Variants in MBOAT2 observed in about 807,000 individuals in gnomAD.
The protein encoded by MBOAT2 is membrane bound glycerophospholipid O-acyltransferase 2, also known as membrane-bound glycerophospholipid O-acyltransferase 2.
Under a neutral mutation model 63.4 loss-of-function variants are expected in MBOAT2, and 28 were observed. The observed-to-expected ratio is 0.44, with a 90% CI of 0.33 to 0.61. MBOAT2 has a LOEUF of 0.61. Ranked by LOEUF, MBOAT2 falls within the 20% of genes least tolerant of loss-of-function variation. MBOAT2 has a pLI of 0.03. For missense variants in MBOAT2, 470 were observed against 605.8 expected, an observed-to-expected ratio of 0.78 and a Z score of 2.35; for synonymous variants, 211 against 215.6, an observed-to-expected ratio of 0.98 and a Z score of 0.19.
intron 1 of MBOAT2, among the ~76,000 whole-genome samples, chr2:8,976,587 G>T (rs976312688): frequency 1.3e-5 from 2 of 152,144 alleles, no homozygotes; most frequent in African/African-American, 4.8e-5. Context: ...TGTCAAGCTT[G>T]CTCTGACAAA....
intron 2 of MBOAT2, among the ~76,000 whole-genome samples, chr2:8,944,597 A>C (rs1267994822): frequency 6.6e-6 from 1 of 151,986 alleles, no homozygotes; most frequent in Non-Finnish European, 1.5e-5. Context: ...GGCCTGTAGG[A>C]GAAACTTATT....
chr2:8,960,292 A>T (rs1292337486), intron 1 of MBOAT2, among the ~76,000 whole-genome samples: 4 of 152,194 alleles, frequency 2.6e-5, no homozygotes, highest in African/African-American at 9.7e-5. Flanking sequence ...TCCTAATTTA[A>T]TTATTATAAC....
At chr2:8,994,990 C>T (rs1215049732) in intron 1 of MBOAT2, among the ~76,000 whole-genome samples, 1 of 152,198 alleles carries the variant, frequency 6.6e-6, no homozygotes, top group Non-Finnish European at 1.5e-5. Flanking sequence ...TCGCCACATA[C>T]GTTGCTCTAA....
At chr2:8,942,213 C>T (rs1345777359) in intron 3 of MBOAT2, among the ~76,000 whole-genome samples, 1 of 152,036 alleles carries the variant, frequency 6.6e-6, no homozygotes, top group African/African-American at 2.4e-5. Flanking sequence ...ACTGACAGTG[C>T]CAAATACGGA....
At chr2:8,986,991 G>A (rs1223525246) in intron 1 of MBOAT2, among the ~76,000 whole-genome samples, 2 of 152,120 alleles carry the variant, frequency 1.3e-5, no homozygotes, top group East Asian at 3.8e-4. Flanking sequence ...TATGGTTTTT[G>A]TTATGACAGC....
intron 1 of MBOAT2, among the ~76,000 whole-genome samples, chr2:8,994,805 G>A (rs1672157308): frequency 6.6e-6 from 1 of 152,234 alleles, no homozygotes; most frequent in South Asian, 2.1e-4. Flanking sequence ...ATAGGCTTTA[G>A]CTGACTATTG....
At chr2:8,960,276 G>C (rs922332371) in intron 1 of MBOAT2, among the ~76,000 whole-genome samples, 18 of 152,008 alleles carry the variant, frequency 1.2e-4, no homozygotes, top group African/African-American at 4.1e-4. Context: ...TTCTTTTTCA[G>C]ATAGCTCCTA....
At chr2:8,899,747 C>A (rs1664773474) in intron 4 of MBOAT2, among the ~76,000 whole-genome samples, 1 of 152,210 alleles carries the variant, frequency 6.6e-6, no homozygotes, top group African/African-American at 2.4e-5. Context: ...TTGGCCTGCT[C>A]CATTTTCTGT....
At chr2:8,923,697 G>A (rs892199584) in intron 3 of MBOAT2, among the ~76,000 whole-genome samples, 1 of 152,202 alleles carries the variant, frequency 6.6e-6, no homozygotes, top group African/African-American at 2.4e-5. Context: ...AAGGGATGGG[G>A]AACAGGGTAA....
intron 3 of MBOAT2, among the ~76,000 whole-genome samples, chr2:8,928,427 G>A (rs1667082174): frequency 6.6e-6 from 1 of 152,094 alleles, no homozygotes; most frequent in South Asian, 2.1e-4. Context: ...AGATGACTGG[G>A]GAAGACTACA....
At chr2:8,906,653 G>T (rs1474810951) in intron 4 of MBOAT2, among the ~76,000 whole-genome samples, 2 of 152,216 alleles carry the variant, frequency 1.3e-5, no homozygotes, top group Non-Finnish European at 2.9e-5. Flanking sequence ...TGAGGTAAAG[G>T]TCTTGAGACT....
chr2:8,907,975 C>T (rs552253676), intron 4 of MBOAT2, among the ~76,000 whole-genome samples: 3 of 152,116 alleles, frequency 2.0e-5, no homozygotes, highest in East Asian at 3.9e-4. Context: ...CCAGATGACC[C>T]GAGACTAGCC....
intron 8 of MBOAT2, among the ~76,000 whole-genome samples, chr2:8,872,601 G>A (rs78553190): frequency 0.026 from 3,968 of 152,212 alleles, 181 homozygotes; most frequent in African/African-American, 0.09. Context: ...TTAAAGCCAC[G>A]ATTGCATGTT....
chr2:8,980,690 T>G (rs1671137294), intron 1 of MBOAT2, among the ~76,000 whole-genome samples: 3 of 152,082 alleles, frequency 2.0e-5, no homozygotes, highest in South Asian at 2.1e-4. Flanking sequence ...TCCACCAAGA[T>G]GCCTACAATC....
At chr2:8,976,604 G>T (rs1305828266) in intron 1 of MBOAT2, among the ~76,000 whole-genome samples, 5 of 152,142 alleles carry the variant, frequency 3.3e-5, no homozygotes, top group Non-Finnish European at 5.9e-5. Context: ...CAAATGAGAA[G>T]CCAAGCAGCC....
intron 1 of MBOAT2, among the ~76,000 whole-genome samples, chr2:8,992,343 C>T (rs1234144538): frequency 2.0e-5 from 3 of 152,166 alleles, no homozygotes; most frequent in Admixed American, 1.3e-4. Flanking sequence ...CGCTACATTG[C>T]CTGGGCTGAT....
At chr2:8,944,356 T>C (rs557017906) in intron 2 of MBOAT2, among the ~76,000 whole-genome samples, 1 of 152,224 alleles carries the variant, frequency 6.6e-6, no homozygotes, top group Non-Finnish European at 1.5e-5. Flanking sequence ...TTTGGGGGAA[T>C]GAACAATTTA....
In MBOAT2 at chr2:8,936,060, C is replaced by A. The variant is rs560668767; in HGVS notation, c.299+7127G>T. Among the ~76,000 whole-genome samples, 3 of 152,282 alleles carry A rather than the reference C, an allele frequency of 2.0e-5. No homozygotes were observed. The East Asian group carries it at 5.8e-4, about 29-fold the overall frequency. ...GGTCAGTGGCTGATACATAGTTTTA[C>A]TACTTTCCACCACAGCTGTTCCCTC... On this transcript the variant is annotated intron_variant, in intron 3 of 12. Coordinates refer to ENST00000305997, the MANE Select transcript of MBOAT2 (RefSeq NM_138799.4).
intron 3 of MBOAT2, among the ~76,000 whole-genome samples, chr2:8,914,449 A>G (rs989553329): frequency 6.6e-6 from 1 of 152,116 alleles, no homozygotes; most frequent in Non-Finnish European, 1.5e-5. Context: ...TTGTCAAATT[A>G]CAGTTGAATT....
Sources: allele counts gnomAD v4.1 joint callset (sites outside exome capture counted in the v4.1 genomes callset), GRCh38; gene constraint gnomAD v4.1.1; transcripts MANE v1.5; gene names NCBI Gene and HGNC (gene_info 2026-07-23, HGNC 2026-07-21).